Variants in MUC6 observed in about 807,000 individuals in gnomAD.
MUC6 encodes the protein mucin 6, oligomeric mucus/gel-forming (gene/pseudogene), also known as mucin-6.
Under a neutral mutation model 201.5 loss-of-function variants are expected in MUC6, and 188 were observed. The ratio of observed to expected loss-of-function variants is 0.93; its 90% CI spans 0.83 to 1.05. The LOEUF is 1.05. Among genes scored for constraint, MUC6 ranks in the 50% least tolerant of loss-of-function variants. The probability of loss-of-function intolerance (pLI) is 0.00; values close to 1 mark genes in which losing one functional copy is unlikely to be tolerated. For synonymous variants in MUC6, 1,228 were observed against 1,389.4 expected, an observed-to-expected ratio of 0.88 and a Z score of 2.58; for missense variants, 2,706 against 3,256.9, an observed-to-expected ratio of 0.83 and a Z score of 4.12.
intron 30 of MUC6, 137 bp downstream of exon 30, chr11:1,019,138 C>G (rs1336683238): frequency 9.3e-7 from 1 of 1,071,002 alleles, no homozygotes; most frequent in Non-Finnish European, 1.4e-6. Flanking sequence ...CCAGCTCCAG[C>G]CTACACTTTT....
At position 1,027,405 on chromosome 11, in the gene MUC6, C is replaced by T; in HGVS notation, c.2094G>A (p.Val698=). The change falls in exon 17 of 33, where the codon GTG becomes GTA. Residue 698 remains valine (V), a synonymous_variant. Coordinates refer to ENST00000421673, the MANE Select transcript of MUC6 (RefSeq NM_005961.3). ...TGCCATCGGGGCAGTTGCAACCGTC[C>T]ACGGGCACGGCGCTGTGGTGGCACT... ...ATECHHSAVP[V]DGCNCPDGTY... 6.2e-7 allele frequency: 1 copy of T among 1,612,858 alleles called. No individual in the cohort carries two copies. Among genetic ancestry groups the T allele is most frequent in the Non-Finnish European group, 8.5e-7 (1 of 1,179,820 alleles).
In MUC6 at chr11:1,027,054, C is replaced by A. The variant is rs1856977509; in HGVS notation, c.2285-4G>T. 1.2e-6 allele frequency: 2 copies of A among 1,604,018 alleles called. No homozygotes were observed. The highest frequency in any genetic ancestry group is 1.7e-6 in the Non-Finnish European group (2 of 1,176,084). On this transcript the variant is annotated splice_region_variant and splice_polypyrimidine_tract_variant and intron_variant, in intron 18 of 32. Coordinates refer to ENST00000421673, the MANE Select transcript of MUC6 (RefSeq NM_005961.3). ...GTCTTAGGGGCCTGGCAGGAGGCTG[C>A]AGGAAAGAGGGGTGCGCGGTCAGGA...
At chr11:1,021,430 G>A (rs1486866185) in intron 26 of MUC6, among the ~76,000 whole-genome samples, 153 bp from the exon 27 acceptor site, 3 of 150,962 alleles carry the variant, frequency 2.0e-5, no homozygotes, top group South Asian at 2.1e-4. Context: ...GAGTGCAGTG[G>A]CACAATCTTC....
chr11:1,027,762 G>T lies in MUC6; in HGVS notation c.1904C>A (p.Ala635Asp). 1 of 1,610,766 alleles carries T rather than the reference G, an allele frequency of 6.2e-7. No homozygotes were observed. The highest frequency in any genetic ancestry group is 8.5e-7 in the Non-Finnish European group (1 of 1,179,104). The change falls in exon 16 of 33, where the codon GCC becomes GAC. Residue 635 changes from alanine to aspartate, a missense_variant. Physicochemically the swap from Ala to Asp is moderately radical, Grantham distance 126. Around this residue, in one of 10 missense-constraint regions of MUC6, gnomAD observed 1,850 missense variants for 1,958.3 expected, o/e 0.94. Coordinates refer to ENST00000421673, the MANE Select transcript of MUC6 (RefSeq NM_005961.3). ...YEETFPHICAALGDYVHACSL... is the reference protein window; with the variant it reads ...YEETFPHICADLGDYVHACSL... ...GCAGGCGTGTACGTAGTCGCCCAGG[G>T]CGGCACAGATGTGGGGAAAGGTCTC...
At chr11:1,030,485 G>T (rs1857075666) in intron 7 of MUC6, 88 bp downstream of exon 7, 1 of 1,435,838 alleles carries the variant, frequency 7.0e-7, no homozygotes, top group Non-Finnish European at 9.3e-7. Flanking sequence ...AGGGATGCAG[G>T]CGTCACGTCA....
At position 1,032,840 on chromosome 11, in the gene MUC6, T is replaced by G. The variant is rs192230126; in HGVS notation, c.115+173A>C. 6.4e-3 allele frequency among the ~76,000 whole-genome samples: 976 copies of G among 151,860 alleles called. 12 individuals carry two copies. The highest frequency in any genetic ancestry group is 0.023 in the African/African-American group (939 of 41,354). On this transcript the variant is annotated intron_variant, in intron 2 of 32. Transcript: ENST00000421673. ...TGCGTGTGTCAGGTGTGTGTGCATG[T>G]GTATATTGGGTATGTGTGTGTGTTG...
chr11:1,036,042 C>A (rs1020150806), intron 1 of MUC6, among the ~76,000 whole-genome samples: 1 of 152,040 alleles, frequency 6.6e-6, no homozygotes, highest in Non-Finnish European at 1.5e-5. Context: ...GGTAGGGGAG[C>A]GCGGGGGAGA....
rs901679788 is a variant in MUC6, at chr11:1,027,810, A to G, written c.1856T>C (p.Val619Ala). ...VNPAPFYKRC[V>A]YQACNYEETF... ...CTCCTCGTAGTTGCAGGCCTGGTACACGCACCTCTGCGGGCAGAGAGCCAG... is the reference window on the plus strand; with the variant it reads ...CTCCTCGTAGTTGCAGGCCTGGTACGCGCACCTCTGCGGGCAGAGAGCCAG... The change falls in exon 16 of 33, where the codon GTG (valine) becomes GCG (alanine). Residue 619 changes from valine (V) to alanine (A), a missense_variant. Val to Ala is a moderately conservative substitution (Grantham distance 64, BLOSUM62 0). This residue lies in a region of MUC6 where 1,850 missense variants were observed against 1,958.3 expected (regional missense o/e 0.94). Transcript: ENST00000421673. 2 of 1,610,424 alleles carry G rather than the reference A, an allele frequency of 1.2e-6. No homozygotes were observed. The highest frequency in any genetic ancestry group is 1.3e-5 in the African/African-American group (1 of 74,932).
At chr11:1,021,347 T>C in intron 26 of MUC6, 70 bp from the exon 27 acceptor site, 1 of 948,936 alleles carries the variant, frequency 1.1e-6, no homozygotes, top group Non-Finnish European at 1.5e-6. Context: ...TTTCCTGCCC[T>C]GGCGGCCTCC....
In MUC6 at chr11:1,013,452, C is replaced by A; in HGVS notation, c.*4G>T. On this transcript the variant is annotated 3_prime_UTR_variant, in exon 33 of 33. Coordinates refer to ENST00000421673, the MANE Select transcript of MUC6 (RefSeq NM_005961.3). ...CAGCCCCAGGAGAGCAGGCAGCGACCCTGCTAGTCTCCACAGGCCACAGAG... is the reference window on the plus strand; with the variant it reads ...CAGCCCCAGGAGAGCAGGCAGCGACACTGCTAGTCTCCACAGGCCACAGAG... 1 of 1,572,780 alleles carries A rather than the reference C, an allele frequency of 6.4e-7. No homozygotes were observed. Among genetic ancestry groups the A allele is most frequent in the African/African-American group, 1.4e-5 (1 of 73,928 alleles).
At position 1,020,346 on chromosome 11, in the gene MUC6, G is replaced by A. The variant is rs774550257; in HGVS notation, c.3641-89C>T. 459 of 1,477,168 alleles carry A rather than the reference G, an allele frequency of 3.1e-4. 1 individual carries two copies. Among genetic ancestry groups the A allele is most frequent in the Non-Finnish European group, 3.9e-4 (426 of 1,099,800 alleles). 91.5% of individuals were successfully genotyped at this position (1,477,168 alleles called of 1,614,324 possible). On this transcript the variant is annotated intron_variant, in intron 28 of 32. Coordinates refer to ENST00000421673, the MANE Select transcript of MUC6 (RefSeq NM_005961.3). ...CCTCTGCCTGCTTGGCCCTGAAGCC[G>A]GGCAGCCCTGCAGGGGCCAATGATG... is the stretch of plus-strand genomic sequence containing the variant.
Position 1,013,234 on chromosome 11 carries a change from C to T in MUC6, c.*222G>A, listed in dbSNP as rs1050978790. On this transcript the variant is annotated 3_prime_UTR_variant, in exon 33 of 33. Coordinates refer to ENST00000421673, the MANE Select transcript of MUC6 (RefSeq NM_005961.3). ...TCCGTGACCACTGTCCGCCTCAGTC[C>T]CTCTCTGCTGGCTCAGGGTCTGCAG... 3.5e-6 allele frequency: 2 copies of T among 576,200 alleles called. No homozygotes were observed. Among genetic ancestry groups the T allele is most frequent in the Non-Finnish European group, 6.1e-6 (2 of 328,114 alleles). 35.7% of individuals were successfully genotyped at this position (576,200 alleles called of 1,614,324 possible).
At chr11:1,027,639 G>A (rs1017360275) in intron 16 of MUC6, 46 bp downstream of exon 16, 4 of 1,576,294 alleles carry the variant, frequency 2.5e-6, no homozygotes, top group Admixed American at 3.6e-5. Context: ...ACCCCCTCGT[G>A]AGCCCAGCCT....
chr11:1,020,607 A>T (rs1002001482), intron 28 of MUC6, 77 bp downstream of exon 28: 48 of 1,588,598 alleles, frequency 3.0e-5, no homozygotes, highest in Non-Finnish European at 4.1e-5. Flanking sequence ...TTCCCACCCG[A>T]CAGATTTGTC....
At position 1,015,871 on chromosome 11, in the gene MUC6, G is replaced by A. The variant is rs908211456; in HGVS notation, c.6930C>T (p.Pro2310=). 1 of 1,608,538 alleles carries A rather than the reference G, an allele frequency of 6.2e-7. No individual in the cohort carries two copies. Among genetic ancestry groups the A allele is most frequent in the African/African-American group, 1.3e-5 (1 of 74,972 alleles). The change falls in exon 31 of 33, where the codon CCC becomes CCT. Residue 2310 remains proline (P), a synonymous_variant. Transcript: ENST00000421673. ...GGAACCGTGTGGTAGGCGACAAGGTGGGACCAGGGTGCCTGGTGGTAAGGT... is the reference window on the plus strand; with the variant it reads ...GGAACCGTGTGGTAGGCGACAAGGTAGGACCAGGGTGCCTGGTGGTAAGGT... ...VTNLTTRHPG[P]TLSPTTRFLT... is the part of the protein sequence containing the mutation.
rs545316793 is a variant in MUC6 at position 1,032,957 on chromosome 11, T to G, written c.115+56A>C. On this transcript the variant is annotated intron_variant, in intron 2 of 32. Transcript: ENST00000421673. Reference sequence around the variant, plus strand: ...ACCTGGGCTCCGGGCCCCTCTCTCCTGCACACCGGGCCTGGGTGGTCTGGG... The same window carrying G: ...ACCTGGGCTCCGGGCCCCTCTCTCCGGCACACCGGGCCTGGGTGGTCTGGG... 90 of 1,511,566 alleles carry G rather than the reference T, an allele frequency of 6.0e-5. No homozygotes were observed. In the Middle Eastern group the frequency reaches 7.1e-4, roughly 12 times the overall value. 93.6% of individuals were successfully genotyped at this position (1,511,566 alleles called of 1,614,324 possible). A position where few individuals can be genotyped will look rare whatever the true frequency, so the allele number is the denominator to read the frequency against.
intron 19 of MUC6, 81 bp downstream of exon 19, chr11:1,026,860 G>A: frequency 7.5e-7 from 1 of 1,339,086 alleles, no homozygotes. Context: ...ATGCGGCCAG[G>A]TCTCCCGGAG....
chr11:1,026,400 C>CG lies in MUC6; in HGVS notation c.2472dup (p.Glu825ArgfsTer6). ...CCCGAGAACTCACATGGGCACTCCT[C>CG]GGGGGGCACACACTGCCCGTCGGCA... On this transcript the variant is annotated frameshift_variant, in exon 20 of 33. Coordinates refer to ENST00000421673, the MANE Select transcript of MUC6 (RefSeq NM_005961.3). LOFTEE classifies it high-confidence loss of function. 1.2e-6 allele frequency: 2 copies of CG among 1,608,704 alleles called. No homozygotes were observed. Among genetic ancestry groups the CG allele is most frequent in the African/African-American group, 1.3e-5 (1 of 74,880 alleles).
chr11:1,031,141 G>T, intron 5 of MUC6, 28 bp downstream of exon 5: 1 of 378,828 alleles, frequency 2.6e-6, no homozygotes, highest in South Asian at 2.7e-5. Context: ...GGCCCCCCCA[G>T]AGGCCCCCCA....
Sources: gnomAD v4.1 joint callset for allele counts (sites outside exome capture counted in the v4.1 genomes callset) on GRCh38, gnomAD v4.1.1 for gene constraint, gnomAD v4.1.1 regional missense constraint, MANE v1.5 for transcripts, NCBI Gene and HGNC (gene_info 2026-07-23, HGNC 2026-07-21) for gene names.